SYNE2: variants seen among roughly 807,000 people sequenced by gnomAD.
The protein encoded by SYNE2 is spectrin repeat containing nuclear envelope protein 2, also known as nesprin-2.
Under a neutral mutation model 856.3 loss-of-function variants are expected in SYNE2, and 431 were observed. That is an observed-to-expected ratio of 0.50 (90% CI 0.47 to 0.55). SYNE2 has a LOEUF of 0.55. SYNE2 is among the 20% of genes least tolerant of loss of function. The probability of loss-of-function intolerance (pLI) is 0.00; values close to 1 mark genes in which losing one functional copy is unlikely to be tolerated. For missense variants in SYNE2, 8,129 were observed against 8,023.2 expected (o/e 1.01, Z -0.50); for synonymous variants, 2,923 against 2,872.3 (o/e 1.02, Z -0.56).
At chr14:64,081,701 C>A (rs17101626) in intron 57 of SYNE2, 121 bp downstream of exon 57, 2 of 1,150,802 alleles carry the variant, frequency 1.7e-6, no homozygotes. Context: ...CTAACCATGT[C>A]AGTGGCAGAA....
At position 64,062,896 on chromosome 14, in the gene SYNE2, G is replaced by C; in HGVS notation, c.10212+1G>C. ...TTTAGAGCGCTTGGAACAGAGCAAGGTAATAGTATTGGCAATTAGCCAGTA... is the reference window on the plus strand; with the variant it reads ...TTTAGAGCGCTTGGAACAGAGCAAGCTAATAGTATTGGCAATTAGCCAGTA... On this transcript the variant is annotated splice_donor_variant, in intron 50 of 115. Coordinates refer to ENST00000555002, the MANE Select transcript of SYNE2 (RefSeq NM_182914.3). LOFTEE classifies it high-confidence loss of function. 1 of 1,614,104 alleles carries C rather than the reference G, an allele frequency of 6.2e-7. No individual in the cohort carries two copies. Among genetic ancestry groups the C allele is most frequent in the South Asian group, 1.1e-5 (1 of 91,082 alleles).
At chr14:64,144,148 G>C (rs551890943) in intron 83 of SYNE2, among the ~76,000 whole-genome samples, 200 bp downstream of exon 83, 2 of 152,250 alleles carry the variant, frequency 1.3e-5, no homozygotes, top group African/African-American at 4.8e-5. Context: ...TTATATTTGA[G>C]ATTTCTTAGT....
chr14:64,007,239 A>G lies in SYNE2; in HGVS notation c.4577+17A>G. 1 of 1,611,938 alleles carries G rather than the reference A, an allele frequency of 6.2e-7. No individual in the cohort carries two copies. The highest frequency in any genetic ancestry group is 8.5e-7 in the Non-Finnish European group (1 of 1,178,058). ...CACCGAATGGTAAGGAAAAAAAAGA[A>G]TCCCTCTTGAATCTGAAAAATTGTC... is the stretch of plus-strand genomic sequence containing the variant. On this transcript the variant is annotated intron_variant, in intron 31 of 115. Coordinates refer to ENST00000555002, the MANE Select transcript of SYNE2 (RefSeq NM_182914.3).
chr14:63,814,961 CATATATATCT>C (rs1888850839), intron 1 of SYNE2, among the ~76,000 whole-genome samples: 1 of 132,330 alleles, frequency 7.6e-6, no homozygotes, highest in African/African-American at 2.7e-5. Context: ...CATATATATC[CATATATATCT>C]ATCCATATAT....
intron 87 of SYNE2, 74 bp downstream of exon 87, chr14:64,159,516 C>T: frequency 6.4e-7 from 1 of 1,552,048 alleles, no homozygotes; most frequent in South Asian, 1.1e-5. Flanking sequence ...GGGGCATAGG[C>T]ATTGTAAAGT....
chr14:64,075,845 C>G (rs554070529), intron 53 of SYNE2, 100 bp from the exon 54 acceptor site: 1 of 1,343,230 alleles, frequency 7.4e-7, no homozygotes, highest in Non-Finnish European at 1.1e-6. Flanking sequence ...AAACTGCACT[C>G]CTTTAAATCA....
Position 63,977,893 on chromosome 14 carries a change from A to G in SYNE2, c.1294-12A>G. ...ATAAGTATCGTTTATGTCATGCTGA[A>G]TTTCTTTTCAGAGCCTGATGGATAG... is the stretch of plus-strand genomic sequence containing the variant. On this transcript the variant is annotated splice_polypyrimidine_tract_variant and intron_variant, in intron 12 of 115. Transcript: ENST00000555002. 6.3e-7 allele frequency: 1 copy of G among 1,577,654 alleles called. No individual in the cohort carries two copies. Among genetic ancestry groups the G allele is most frequent in the Non-Finnish European group, 8.7e-7 (1 of 1,146,954 alleles).
At position 64,142,015 on chromosome 14, in the gene SYNE2, A is replaced by T. The variant is rs751092033; in HGVS notation, c.15233A>T (p.Gln5078Leu). Residue 5078 changes from glutamine to leucine, a missense_variant, in exon 82 of 116, where the codon CAA becomes CTA. By Grantham distance (113) the Gln-to-Leu change is moderately radical. Transcript: ENST00000555002. Reference sequence around the variant, plus strand: ...AGCTGGATGAACAATGTGGAGCATCAAACTTCAGATGAAGACTCCGTGCAT... The same window carrying T: ...AGCTGGATGAACAATGTGGAGCATCTAACTTCAGATGAAGACTCCGTGCAT... ...MISWMNNVEHQTSDEDSVHSP... is the reference protein window; with the variant it reads ...MISWMNNVEHLTSDEDSVHSP... 4 of 1,614,162 alleles carry T rather than the reference A, an allele frequency of 2.5e-6. No individual in the cohort carries two copies. Among genetic ancestry groups the T allele is most frequent in the Non-Finnish European group, 3.4e-6 (4 of 1,180,006 alleles).
intron 1 of SYNE2, among the ~76,000 whole-genome samples, chr14:63,823,101 C>T (rs1889285567): frequency 6.6e-6 from 1 of 151,882 alleles, no homozygotes; most frequent in Admixed American, 6.6e-5. Context: ...GAGATCCTGT[C>T]TCTGCAAAAA....
At chr14:63,970,193 T>A (rs755247859) in intron 11 of SYNE2, among the ~76,000 whole-genome samples, 1 of 152,114 alleles carries the variant, frequency 6.6e-6, no homozygotes, top group Non-Finnish European at 1.5e-5. Context: ...TGCCAATCCC[T>A]GTCTTTTTTT....
chr14:64,106,648 CA>C (rs1051157087), intron 64 of SYNE2, among the ~76,000 whole-genome samples: 2 of 150,788 alleles, frequency 1.3e-5, no homozygotes, highest in South Asian at 2.1e-4. Context: ...GACTCCGTCT[CA>C]AAAAAAAATA....
At position 64,065,611 on chromosome 14, in the gene SYNE2, C is replaced by T. The variant is rs373646325; in HGVS notation, c.10392C>T (p.Cys3464=). 490 of 1,614,030 alleles carry T rather than the reference C, an allele frequency of 3.0e-4. No homozygotes were observed. Among genetic ancestry groups the T allele is most frequent in the Middle Eastern group, 1.6e-3 (10 of 6,062 alleles). Residue 3464 remains cysteine, a synonymous_variant, in exon 51 of 116, where the codon TGC becomes TGT. Transcript: ENST00000555002. ...LEAAKEWEMW[C]EELKQEWKFV... ...CTGCTAAAGAGTGGGAGATGTGGTG[C>T]GAAGAACTGAAGCAGGAATGGAAAT...
At chr14:63,769,863 C>T (rs933459434) in intron 1 of SYNE2, among the ~76,000 whole-genome samples, 10 of 151,892 alleles carry the variant, frequency 6.6e-5, no homozygotes, top group African/African-American at 2.4e-4. Context: ...TGTGTCACTG[C>T]ACTCTAGCCT....
At chr14:64,145,166 A>G (rs111341466) in intron 83 of SYNE2, among the ~76,000 whole-genome samples, 5,729 of 151,852 alleles carry the variant, frequency 0.038, 329 homozygotes, top group African/African-American at 0.13. Context: ...ACCTCCAGTG[A>G]TACACCCACC....
chr14:64,093,431 C>T lies in SYNE2; in HGVS notation c.12059C>T (p.Ser4020Phe), dbSNP rs1377989918. Residue 4020 changes from serine to phenylalanine, a missense_variant, in exon 61 of 116, where the codon TCC becomes TTC. By Grantham distance (155) the Ser-to-Phe change is radical (BLOSUM62 -2). Coordinates refer to ENST00000555002, the MANE Select transcript of SYNE2 (RefSeq NM_182914.3). ...TTAAATAATTATTCAGCTCAGTTCTCCCTTGAACATATGTCACCAGACCAA... is the reference window on the plus strand; with the variant it reads ...TTAAATAATTATTCAGCTCAGTTCTTCCTTGAACATATGTCACCAGACCAA... ...QILNNYSAQFSLEHMSPDQAD... is the reference protein window; with the variant it reads ...QILNNYSAQFFLEHMSPDQAD... The T allele has an allele frequency of 1.9e-6, 3 of 1,614,086 alleles. No individual in the cohort carries two copies. The highest frequency in any genetic ancestry group is 2.5e-6 in the Non-Finnish European group (3 of 1,179,970).
intron 63 of SYNE2, 31 bp downstream of exon 63, chr14:64,098,852 G>A: frequency 6.2e-7 from 1 of 1,605,802 alleles, no homozygotes; most frequent in East Asian, 2.2e-5. Context: ...GTTAAAGTTT[G>A]TTAGAACCAG....
intron 85 of SYNE2, among the ~76,000 whole-genome samples, chr14:64,153,121 C>G (rs544297923): frequency 1.3e-5 from 2 of 152,290 alleles, no homozygotes; most frequent in Admixed American, 1.3e-4. Context: ...CATGTAGCCT[C>G]TATGAGCTAG....
At chr14:64,084,981 C>T in intron 57 of SYNE2, 1 of 702,336 alleles carries the variant, frequency 1.4e-6, no homozygotes, top group Non-Finnish European at 2.6e-6. Context: ...GTGGGCTCCT[C>T]CAGGAGTCTG....
intron 1 of SYNE2, chr14:63,762,090 A>C: frequency 2.1e-6 from 1 of 476,272 alleles, no homozygotes. Context: ...TTGTTCAATG[A>C]ATTTTTGTTG....
Sources: gnomAD v4.1 joint callset for allele counts (sites outside exome capture counted in the v4.1 genomes callset) on GRCh38, gnomAD v4.1.1 for gene constraint, MANE v1.5 for transcripts, NCBI Gene and HGNC (gene_info 2026-07-23, HGNC 2026-07-21) for gene names.